Variants in CAPNS1 observed in about 807,000 individuals in gnomAD.
CAPNS1 encodes the protein CANP small subunit.
CAPNS1 carries 32 observed loss-of-function variants against 39.2 expected under a neutral mutation model. That is an observed-to-expected ratio of 0.82 (90% CI 0.62 to 1.10). CAPNS1 has a LOEUF of 1.10. Among genes scored for constraint, CAPNS1 ranks in the 50% least tolerant of loss-of-function variants. The probability of loss-of-function intolerance (pLI) is 0.00; values close to 1 mark genes in which losing one functional copy is unlikely to be tolerated. For missense variants in CAPNS1, 353 were observed against 373.1 expected (o/e 0.95, Z 0.44); for synonymous variants, 153 against 136.2 (o/e 1.12, Z -0.86).
rs949565031 is a variant in CAPNS1, at chr19:36,149,897, G to A, written c.*58G>A. On this transcript the variant is annotated 3_prime_UTR_variant, in exon 11 of 11. Transcript: ENST00000246533. ...TGCTATAGGAGTCACCTGGAGCCTC[G>A]GTCTCTCCCAGGGCCGATCCTGTCT... 38 of 1,388,318 alleles carry A rather than the reference G, an allele frequency of 2.7e-5. No homozygotes were observed. Among genetic ancestry groups the A allele is most frequent in the African/African-American group, 1.2e-4 (8 of 67,026 alleles). 86.0% of individuals were successfully genotyped at this position (1,388,318 alleles called of 1,614,324 possible). A position where few individuals can be genotyped will look rare whatever the true frequency, so the allele number is the denominator to read the frequency against.
At chr19:36,142,149 G>T in intron 2 of CAPNS1, 151 bp from the exon 3 acceptor site, 2 of 735,960 alleles carry the variant, frequency 2.7e-6, no homozygotes, top group South Asian at 1.4e-5. Context: ...TGTGGATTGG[G>T]ACAGATGAGG....
Sources: gnomAD v4.1 joint callset for allele counts on GRCh38, gnomAD v4.1.1 for gene constraint, MANE v1.5 for transcripts, NCBI Gene and HGNC (gene_info 2026-07-23, HGNC 2026-07-21) for gene names.